The following RIMS2 variants were observed in gnomAD, a reference collection of about 807,000 sequenced individuals.
RIMS2 encodes regulating synaptic membrane exocytosis 2, also known as regulating synaptic membrane exocytosis protein 2.
In RIMS2, 59 loss-of-function variants were observed where a neutral mutation model predicts 174.4. That is an observed-to-expected ratio of 0.34 (90% confidence interval 0.27 to 0.42). The LOEUF is 0.42. Among genes scored for constraint, RIMS2 ranks in the 10% least tolerant of loss-of-function variants. RIMS2 has a pLI of 1.00. For missense variants in RIMS2, 1,620 were observed against 1,666.3 expected, an observed-to-expected ratio of 0.97 and a Z score of 0.48; for synonymous variants, 606 against 572.5, an observed-to-expected ratio of 1.06 and a Z score of -0.84.
At chr8:104,240,069 A>G (rs1449117313) in intron 19 of RIMS2, among the ~76,000 whole-genome samples, 1 of 152,160 alleles carries the variant, frequency 6.6e-6, no homozygotes, top group East Asian at 1.9e-4. Flanking sequence ...GGCAGAGAGA[A>G]GTATATTGAA....
At chr8:103,848,906 C>G (rs1167321304) in intron 3 of RIMS2, among the ~76,000 whole-genome samples, 1 of 152,028 alleles carries the variant, frequency 6.6e-6, no homozygotes, top group Non-Finnish European at 1.5e-5. Context: ...GATGAAGAAG[C>G]CTTTAAACAA....
chr8:103,836,298 C>A (rs1199395080), intron 3 of RIMS2, among the ~76,000 whole-genome samples: 1 of 151,988 alleles, frequency 6.6e-6, no homozygotes, highest in Non-Finnish European at 1.5e-5. Flanking sequence ...TGTTTGTAAC[C>A]CCACCCCTTT....
intron 20 of RIMS2, among the ~76,000 whole-genome samples, chr8:104,246,904 CT>C (rs1431526367): frequency 8.5e-5 from 13 of 152,114 alleles, no homozygotes; most frequent in African/African-American, 3.1e-4. Flanking sequence ...AAGGACTTTG[CT>C]TTTACTGAGT....
intron 1 of RIMS2, among the ~76,000 whole-genome samples, chr8:103,582,834 T>C (rs1162676417): frequency 2.0e-5 from 3 of 152,204 alleles, no homozygotes; most frequent in Admixed American, 2.0e-4. Context: ...AGATGGCACC[T>C]CTGGACCCAC....
intron 14 of RIMS2, among the ~76,000 whole-genome samples, chr8:103,949,067 C>A (rs1437240860): frequency 7.8e-6 from 1 of 128,442 alleles, no homozygotes; most frequent in Non-Finnish European, 1.5e-5. Flanking sequence ...GTCGAGGCTG[C>A]AGTGAGCCAT....
chr8:103,517,701 C>G (rs1829645195), intron 1 of RIMS2, among the ~76,000 whole-genome samples: 1 of 152,052 alleles, frequency 6.6e-6, no homozygotes, highest in African/African-American at 2.4e-5. Context: ...CCCCTGTGCC[C>G]TGTTGTTGGT....
Position 103,555,269 on chromosome 8 carries a change from C to G in RIMS2, c.176+54207C>G, listed in dbSNP as rs76611146. Among the ~76,000 whole-genome samples the G allele has an allele frequency of 1.9e-3, 290 of 152,212 alleles. 2 individuals are homozygous for G. The highest frequency in any genetic ancestry group is 6.8e-3 in the African/African-American group (281 of 41,522). On this transcript the variant is annotated intron_variant, in intron 1 of 23. Transcript: ENST00000504942. Reference sequence around the variant, plus strand: ...TGGCCAATAGGTATATGAAAAAATGCTCACCTTCACTAATTATCAGGGAAA... The same window carrying G: ...TGGCCAATAGGTATATGAAAAAATGGTCACCTTCACTAATTATCAGGGAAA...
intron 19 of RIMS2, chr8:104,223,368 C>T (rs1214418421): frequency 8.4e-7 from 1 of 1,194,838 alleles, no homozygotes; most frequent in Middle Eastern, 3.3e-4. Context: ...ATTCTCAGCT[C>T]CCTCCCGGGC....
At chr8:104,095,129 T>TA (rs2097734502) in intron 19 of RIMS2, among the ~76,000 whole-genome samples, 2 of 152,176 alleles carry the variant, frequency 1.3e-5, no homozygotes, top group Admixed American at 6.5e-5. Context: ...CAGAGTTCTT[T>TA]AAAATTAACT....
At chr8:104,185,011 G>A (rs2511642) in intron 19 of RIMS2, among the ~76,000 whole-genome samples, 54,859 of 151,052 alleles carry the variant, frequency 0.36, 10,321 homozygotes, top group South Asian at 0.5. Flanking sequence ...ACTAGCTAGC[G>A]TCTGTTATGA....
Position 104,062,924 on chromosome 8 carries a change from T to A in RIMS2, c.3334+48309T>A, listed in dbSNP as rs186922028. On this transcript the variant is annotated intron_variant, in intron 19 of 23. Coordinates refer to ENST00000504942, the Ensembl canonical transcript of RIMS2. ...TAAATTAATTAACTTTAAAATTTTT[T>A]AAAATATGTCTCTTTTATATAAGTA... 2.9e-4 allele frequency among the ~76,000 whole-genome samples: 44 copies of A among 152,230 alleles called. 1 individual carries two copies. Among genetic ancestry groups the A allele is most frequent in the Admixed American group, 1.4e-3 (21 of 15,300 alleles).
chr8:103,657,058 C>T (rs1226596313), intron 1 of RIMS2, among the ~76,000 whole-genome samples: 3 of 152,084 alleles, frequency 2.0e-5, no homozygotes, highest in Admixed American at 6.6e-5. Flanking sequence ...CCCACCTTCC[C>T]TCAAGAGAAA....
intron 19 of RIMS2, among the ~76,000 whole-genome samples, chr8:104,161,392 CATAGTGATAAATGA>C (rs1586198979): frequency 6.6e-6 from 1 of 152,160 alleles, no homozygotes; most frequent in East Asian, 1.9e-4. Flanking sequence ...GTATTTGACA[CATAGTGATAAATGA>C]GACTAGCAAT....
At chr8:103,978,799 A>T (rs1302135406) in intron 16 of RIMS2, among the ~76,000 whole-genome samples, 1 of 152,224 alleles carries the variant, frequency 6.6e-6, no homozygotes, top group Non-Finnish European at 1.5e-5. Flanking sequence ...CCCCCCAAAA[A>T]AATTAGCAAT....
rs770232158 is a variant in RIMS2, at chr8:103,886,228, G to A, written c.1624+5G>A. On this transcript the variant is annotated splice_donor_5th_base_variant and intron_variant, in intron 4 of 23. Coordinates refer to ENST00000504942, the Ensembl canonical transcript of RIMS2. The stretch of plus-strand genomic sequence containing the variant: ...GTGAGAGTGTAAGTGAAAAAGGTAA[G>A]CTTTCTAATCATACATTTTGCTGTA... 1.9e-6 allele frequency: 3 copies of A among 1,598,728 alleles called. No individual in the cohort carries two copies. Among genetic ancestry groups the A allele is most frequent in the South Asian group, 1.1e-5 (1 of 89,278 alleles).
At chr8:104,198,968 T>C (rs770286258) in intron 19 of RIMS2, among the ~76,000 whole-genome samples, 1 of 152,256 alleles carries the variant, frequency 6.6e-6, no homozygotes, top group African/African-American at 2.4e-5. Flanking sequence ...CAGTTACTTA[T>C]ATAATGAATT....
chr8:103,606,770 T>C (rs1232230835), intron 1 of RIMS2, among the ~76,000 whole-genome samples: 1 of 152,022 alleles, frequency 6.6e-6, no homozygotes, highest in East Asian at 1.9e-4. Context: ...CTTCTTTGTC[T>C]CTTTTGATCT....
At chr8:104,130,110 A>G (rs1367794007) in intron 19 of RIMS2, among the ~76,000 whole-genome samples, 1 of 152,184 alleles carries the variant, frequency 6.6e-6, no homozygotes, top group African/African-American at 2.4e-5. Flanking sequence ...ATTAAGTGCC[A>G]CGTATCAGGT....
At chr8:103,902,542 A>G (rs904903225) in intron 4 of RIMS2, among the ~76,000 whole-genome samples, 3 of 152,184 alleles carry the variant, frequency 2.0e-5, no homozygotes, top group Non-Finnish European at 4.4e-5. Context: ...ATTGCCTTAC[A>G]TAATATACCC....
Sources: allele counts gnomAD v4.1 joint callset (sites outside exome capture counted in the v4.1 genomes callset), GRCh38; gene constraint gnomAD v4.1.1; transcripts MANE v1.5; gene names NCBI Gene and HGNC (gene_info 2026-07-23, HGNC 2026-07-21).